The following ERMN variants were observed in gnomAD, a reference collection of about 807,000 sequenced individuals.
The protein encoded by ERMN is ermin, also known as ermin, ERM-like protein.
Under a neutral mutation model 21.4 loss-of-function variants are expected in ERMN, and 17 were observed. That is an observed-to-expected ratio of 0.80 (90% CI 0.54 to 1.19). The LOEUF is 1.19. ERMN is among the 50% of genes most tolerant of loss of function. The pLI, the probability that ERMN is intolerant of heterozygous loss-of-function variation, is 0.00. For missense variants in ERMN, 348 were observed against 331.6 expected (o/e 1.05, Z -0.38); for synonymous variants, 115 against 111.9 (o/e 1.03, Z -0.17).
intron 2 of ERMN, among the ~76,000 whole-genome samples, chr2:157,323,154 G>A (rs570448133): frequency 6.6e-6 from 1 of 152,102 alleles, no homozygotes; most frequent in Non-Finnish European, 1.5e-5. Context: ...CTTAACCAGC[G>A]AGACCATCTA....
chr2:157,321,027 A>G lies in ERMN; in HGVS notation c.*244T>C, dbSNP rs1325328481. On this transcript the variant is annotated 3_prime_UTR_variant, in exon 3 of 3. Coordinates refer to ENST00000410096, the MANE Select transcript of ERMN (RefSeq NM_020711.3). ...ACTGACTGCTTAGTGCTTATCACAC[A>G]ATGCTATATTAGTGAAGTTTTAAAA... is the stretch of plus-strand genomic sequence containing the variant. The G allele has an allele frequency of 2.0e-6, 1 of 500,128 alleles. No homozygotes were observed. The highest frequency in any genetic ancestry group is 1.9e-5 in the African/African-American group (1 of 51,442). The allele number at this position is 500,128 out of a possible 1,614,324, so 31.0% of individuals were successfully genotyped here.
In ERMN at chr2:157,321,547, A is replaced by G; in HGVS notation, c.579T>C (p.Asn193=). 1 of 1,613,886 alleles carries G rather than the reference A, an allele frequency of 6.2e-7. No homozygotes were observed. Among genetic ancestry groups the G allele is most frequent in the Non-Finnish European group, 8.5e-7 (1 of 1,179,956 alleles). The stretch of plus-strand genomic sequence containing the variant: ...GAACTTCATCTTCATCATTATTGCA[A>G]TTATCATCATCATCATCATCAATTT... ...DEEIDDDDDD[N]CNNDEDEVRV... is the part of the protein sequence containing the mutation. Residue 193 remains asparagine (N), a synonymous_variant, in exon 3 of 3, where the codon AAT becomes AAC. Coordinates refer to ENST00000410096, the MANE Select transcript of ERMN (RefSeq NM_020711.3).
chr2:157,323,987 C>A (rs182227037), intron 2 of ERMN: 1 of 152,720 alleles, frequency 6.5e-6, no homozygotes, highest in Non-Finnish European at 1.5e-5. Context: ...CAGTGGCTCA[C>A]GCCTGTAACC....
rs1183011627 is a variant in ERMN at position 157,320,395 on chromosome 2, GT to G, written c.*875del. ...GGAAAGAAAATTATTCTGAGATACT[GT>G]TAATAAGAGAAAATGTGGTAATAGA... On this transcript the variant is annotated 3_prime_UTR_variant, in exon 3 of 3. Transcript: ENST00000410096. The G allele has an allele frequency of 1.8e-4, 27 of 152,598 alleles. No individual in the cohort carries two copies. 9.5% of individuals were successfully genotyped at this position (152,598 alleles called of 1,614,324 possible).
chr2:157,327,323 T>C (rs550230910), upstream of ERMN: 4 of 620,240 alleles, frequency 6.4e-6, no homozygotes, highest in African/African-American at 7.3e-5. Flanking sequence ...AGATCCTAGA[T>C]CTCCCTCCCG....
rs757945413 is a variant in ERMN, at chr2:157,319,082, T to TAACTCTGTGGCTTTC, written c.*2174_*2188dup. 5 of 152,236 alleles carry TAACTCTGTGGCTTTC rather than the reference T, an allele frequency of 3.3e-5. No individual in the cohort carries two copies. The East Asian group carries it at 7.7e-4, about 23-fold the overall frequency. 9.4% of individuals were successfully genotyped at this position (152,236 alleles called of 1,614,324 possible). On this transcript the variant is annotated 3_prime_UTR_variant, in exon 3 of 3. Transcript: ENST00000410096. ...CACCATTATGTTACCTGAGGTCACT[T>TAACTCTGTGGCTTTC]AACTCTGTGGCTTTCAACTCTGTGG...
chr2:157,327,575 A>T, upstream of ERMN: 1 of 720,548 alleles, frequency 1.4e-6, no homozygotes, highest in South Asian at 1.5e-5. Flanking sequence ...GTAAGGTCAC[A>T]GAGCCAGCAA....
chr2:157,327,164 A>G (rs964963956), upstream of ERMN: 51 of 169,724 alleles, frequency 3.0e-4, no homozygotes, highest in Non-Finnish European at 5.5e-4. Context: ...ATCATTTTTA[A>G]AGAGAAGAAG....
chr2:157,325,628 C>G lies in ERMN; in HGVS notation c.15G>C (p.Pro5=). ...TACACTCAGCCTGGGTAAATGTAGC[C>G]GGAACATCTGTCATGATGTGCGGTT... MTDV[P]ATFTQAECNG... is the part of the protein sequence containing the mutation. Residue 5 remains proline (P), a synonymous_variant, in exon 1 of 3, where the codon CCG becomes CCC. Transcript: ENST00000410096. 2.5e-6 allele frequency: 4 copies of G among 1,614,106 alleles called. No individual in the cohort carries two copies. Among genetic ancestry groups the G allele is most frequent in the Non-Finnish European group, 3.4e-6 (4 of 1,179,996 alleles).
At chr2:157,321,827 A>C (rs369807149) in intron 2 of ERMN, 36 bp from the exon 3 acceptor site, 2 of 1,529,644 alleles carry the variant, frequency 1.3e-6, no homozygotes, top group Admixed American at 4.1e-5. Flanking sequence ...AGATGTGTAG[A>C]GATTCCAAAA....
chr2:157,320,224 C>T lies in ERMN; in HGVS notation c.*1047G>A, dbSNP rs1409343738. 6.6e-6 allele frequency: 1 copy of T among 152,504 alleles called. No individual in the cohort carries two copies. Among genetic ancestry groups the T allele is most frequent in the Admixed American group, 6.6e-5 (1 of 15,254 alleles). The allele number at this position is 152,504 out of a possible 1,614,324, so 9.4% of individuals were successfully genotyped here. A position where few individuals can be genotyped will look rare whatever the true frequency, so the allele number is the denominator to read the frequency against. On this transcript the variant is annotated 3_prime_UTR_variant, in exon 3 of 3. Transcript: ENST00000410096. ...AAGCATCTTGATTTGGGCTGAGGTC[C>T]AGTAAATTATATATTCCCAACAACT... is the stretch of plus-strand genomic sequence containing the variant.
In ERMN at chr2:157,321,443, A is replaced by C. The variant is rs779597592; in HGVS notation, c.683T>G (p.Leu228Arg). Residue 228 changes from leucine to arginine, a missense_variant, in exon 3 of 3, where the codon CTG becomes CGG. Physicochemically the swap from Leu to Arg is moderately radical, Grantham distance 102. Coordinates refer to ENST00000410096, the MANE Select transcript of ERMN (RefSeq NM_020711.3). The part of the protein sequence containing the change: ...EEGDASEDSP[L>R]SSASSQAVTP... ...CACAGCTTGGGAACTGGCACTGCTC[A>C]GTGGGGAGTCCTCACTTGCATCACC... 1 of 1,614,174 alleles carries C rather than the reference A, an allele frequency of 6.2e-7. No homozygotes were observed. The highest frequency in any genetic ancestry group is 2.2e-5 in the East Asian group (1 of 44,882).
upstream of ERMN, chr2:157,327,681 G>A (rs1684100585): frequency 5.3e-6 from 3 of 562,126 alleles, no homozygotes; most frequent in South Asian, 4.3e-5. Flanking sequence ...ACAGGGGTTC[G>A]GCATTAGCAC....
chr2:157,327,653 C>T, upstream of ERMN: 2 of 590,230 alleles, frequency 3.4e-6, no homozygotes, highest in Non-Finnish European at 3.0e-6. Context: ...GCAGATGTTT[C>T]CTTGGACCAG....
rs751359593 is a variant in ERMN, at chr2:157,325,617, G to A, written c.26C>T (p.Thr9Ile). 3 of 1,614,046 alleles carry A rather than the reference G, an allele frequency of 1.9e-6. No individual in the cohort carries two copies. ...TTTATCCCCATTACACTCAGCCTGG[G>A]TAAATGTAGCCGGAACATCTGTCAT... MTDVPATF[T>I]QAECNGDKPP... Residue 9 changes from threonine (T) to isoleucine (I), a missense_variant, in exon 1 of 3, where the codon ACC (threonine) becomes ATC (isoleucine). Transcript: ENST00000410096.
chr2:157,325,943 T>G, upstream of ERMN: 10 of 1,284,108 alleles, frequency 7.8e-6, no homozygotes, highest in Non-Finnish European at 7.9e-6. Flanking sequence ...TCCTTTTGAT[T>G]TACATAAACA....
At chr2:157,327,389 T>C (rs1382812428), upstream of ERMN, 26 of 759,974 alleles carry the variant, frequency 3.4e-5, no homozygotes, top group Non-Finnish European at 5.9e-5. Context: ...GTTTGATTGT[T>C]TAACTGTTTT....
chr2:157,321,551 T>C lies in ERMN; in HGVS notation c.575A>G (p.Asp192Gly), dbSNP rs758896171. Residue 192 changes from aspartate to glycine, a missense_variant, in exon 3 of 3, where the codon GAT becomes GGT. Physicochemically the swap from Asp to Gly is moderately conservative, Grantham distance 94. Coordinates refer to ENST00000410096, the MANE Select transcript of ERMN (RefSeq NM_020711.3). ...WDEEIDDDDD[D>G]NCNNDEDEVR... Reference sequence around the variant, plus strand: ...TTCATCTTCATCATTATTGCAATTATCATCATCATCATCATCAATTTCTTC... The same window carrying C: ...TTCATCTTCATCATTATTGCAATTACCATCATCATCATCATCAATTTCTTC... 4.3e-6 allele frequency: 7 copies of C among 1,610,516 alleles called. No individual in the cohort carries two copies. The Admixed American group carries it at 1.2e-4, about 27-fold the overall frequency.
At position 157,321,244 on chromosome 2, in the gene ERMN, C is replaced by A. The variant is rs1327901864; in HGVS notation, c.*27G>T. 1.3e-6 allele frequency: 2 copies of A among 1,592,932 alleles called. No homozygotes were observed. The highest frequency in any genetic ancestry group is 1.1e-5 in the South Asian group (1 of 88,132). On this transcript the variant is annotated 3_prime_UTR_variant, in exon 3 of 3. Transcript: ENST00000410096. ...TAGAATTAGCTTTTCCTTTAGTGGG[C>A]ATGAGAATTTCTCAGTTCCAGTTAG...
Sources: gnomAD v4.1 joint callset for allele counts (sites outside exome capture counted in the v4.1 genomes callset) on GRCh38, gnomAD v4.1.1 for gene constraint, MANE v1.5 for transcripts, NCBI Gene and HGNC (gene_info 2026-07-23, HGNC 2026-07-21) for gene names.